Variants in CTBP2 observed in about 807,000 individuals in gnomAD.
CTBP2 encodes the protein C-terminal binding protein 2.
Under a neutral mutation model 80.3 loss-of-function variants are expected in CTBP2, and 30 were observed. That is an observed-to-expected ratio of 0.37 (90% CI 0.28 to 0.51). The LOEUF (loss-of-function observed/expected upper bound fraction) is 0.51, where lower values mean the gene tolerates loss of function less well. Among genes scored for constraint, CTBP2 ranks in the 20% least tolerant of loss-of-function variants. The probability of loss-of-function intolerance (pLI) is 0.93; values close to 1 mark genes in which losing one functional copy is unlikely to be tolerated. For missense variants in CTBP2, 1,212 were observed against 1,375.3 expected (o/e 0.88, Z 1.88); for synonymous variants, 594 against 587.4 (o/e 1.01, Z -0.16).
At chr10:125,037,268 C>T (rs1228640166) in intron 3 of CTBP2, among the ~76,000 whole-genome samples, 1 of 152,190 alleles carries the variant, frequency 6.6e-6, no homozygotes, top group African/African-American at 2.4e-5. Flanking sequence ...GTTTATACAG[C>T]CATGGAAACA....
At chr10:125,133,719 T>G (rs1856537800) in intron 1 of CTBP2, 1 of 152,248 alleles carries the variant, frequency 6.6e-6, no homozygotes, top group African/African-American at 2.4e-5. Flanking sequence ...TTGAAATGAC[T>G]GTTTTTGCCT....
chr10:125,149,099 G>A (rs1345986181), intron 1 of CTBP2, among the ~76,000 whole-genome samples: 4 of 152,228 alleles, frequency 2.6e-5, no homozygotes, highest in South Asian at 4.1e-4. Flanking sequence ...TCTGCCCAGC[G>A]CAAAGGATCC....
At chr10:125,058,312 A>C (rs948376682) in intron 2 of CTBP2, among the ~76,000 whole-genome samples, 15 of 152,180 alleles carry the variant, frequency 9.9e-5, no homozygotes, top group Non-Finnish European at 2.1e-4. Context: ...ATACGATTGC[A>C]CACACAGTGC....
At chr10:125,158,099 G>C (rs933063953) in intron 1 of CTBP2, among the ~76,000 whole-genome samples, 7 of 151,734 alleles carry the variant, frequency 4.6e-5, no homozygotes, top group Admixed American at 4.6e-4. Context: ...TTGAAATCAA[G>C]TGATTACAAA....
intron 2 of CTBP2, among the ~76,000 whole-genome samples, chr10:125,109,429 G>C (rs1055163274): frequency 3.9e-5 from 6 of 152,194 alleles, no homozygotes; most frequent in South Asian, 4.1e-4. Flanking sequence ...AGGTGACTTT[G>C]TCTCTGCCTG....
At chr10:125,093,552 C>T (rs891977323) in intron 2 of CTBP2, among the ~76,000 whole-genome samples, 15 of 152,160 alleles carry the variant, frequency 9.9e-5, no homozygotes, top group African/African-American at 2.9e-4. Context: ...GACTGTTTAC[C>T]ACACTTGAAT....
intron 3 of CTBP2, among the ~76,000 whole-genome samples, chr10:125,037,795 G>A (rs1959040943): frequency 6.6e-6 from 1 of 152,188 alleles, no homozygotes; most frequent in South Asian, 2.1e-4. Context: ...CCATGCCATA[G>A]GTAGTCCAGA....
chr10:124,995,308 C>A (rs1953324144), intron 4 of CTBP2, among the ~76,000 whole-genome samples: 1 of 152,230 alleles, frequency 6.6e-6, no homozygotes, highest in Non-Finnish European at 1.5e-5. Context: ...CATTATGCAG[C>A]CTGGGCCTCC....
chr10:125,112,094 C>CA (rs1232916380), intron 1 of CTBP2, among the ~76,000 whole-genome samples: 1 of 151,230 alleles, frequency 6.6e-6, no homozygotes, highest in African/African-American at 2.4e-5. Flanking sequence ...ACCACATTCC[C>CA]AGCTGCATTT....
intron 2 of CTBP2, among the ~76,000 whole-genome samples, chr10:125,087,354 G>A (rs889384940): frequency 2.0e-5 from 3 of 152,186 alleles, no homozygotes; most frequent in Middle Eastern, 6.8e-3. Flanking sequence ...TTACAAGCAT[G>A]AGCCACCGCG....
intron 2 of CTBP2, among the ~76,000 whole-genome samples, chr10:125,098,678 G>GAGAGAGAGAC (rs1849998329): frequency 7.6e-6 from 1 of 130,942 alleles, no homozygotes; most frequent in Non-Finnish European, 1.6e-5. Flanking sequence ...GAGAGAGAGA[G>GAGAGAGAGAC]AGAGAGAGAG....
chr10:125,121,136 CTG>C (rs1033947827), intron 1 of CTBP2, among the ~76,000 whole-genome samples: 3 of 152,220 alleles, frequency 2.0e-5, no homozygotes, highest in Non-Finnish European at 2.9e-5. Context: ...TTGGGTGAGG[CTG>C]TGAGTCACCC....
chr10:125,042,903 C>T (rs1960246462), intron 2 of CTBP2, among the ~76,000 whole-genome samples: 2 of 152,018 alleles, frequency 1.3e-5, no homozygotes, highest in African/African-American at 4.8e-5. Flanking sequence ...GAAACACTAC[C>T]TCCTCCCAAA....
intron 3 of CTBP2, among the ~76,000 whole-genome samples, chr10:125,035,903 G>C (rs188486009): frequency 6.6e-6 from 1 of 152,112 alleles, no homozygotes; most frequent in Non-Finnish European, 1.5e-5. Flanking sequence ...GTTACGAGAG[G>C]GCTCCTTCGT....
At chr10:125,025,105 A>G (rs992859347) in intron 1 of CTBP2, among the ~76,000 whole-genome samples, 14 of 151,948 alleles carry the variant, frequency 9.2e-5, no homozygotes, top group Non-Finnish European at 1.5e-5. Context: ...TCAAAAAGGT[A>G]GATCTTATTG....
intron 2 of CTBP2, among the ~76,000 whole-genome samples, chr10:125,085,110 C>G (rs1051822445): frequency 6.6e-6 from 1 of 152,202 alleles, no homozygotes; most frequent in African/African-American, 2.4e-5. Context: ...TCAACCCTCA[C>G]GTCACCACCC....
intron 1 of CTBP2, among the ~76,000 whole-genome samples, chr10:125,131,504 G>A (rs1856179064): frequency 1.3e-5 from 2 of 152,168 alleles, no homozygotes; most frequent in African/African-American, 4.8e-5. Flanking sequence ...GGTTCATTTA[G>A]GCTGGTGAAT....
At chr10:125,123,441 A>G (rs1854679000) in intron 1 of CTBP2, among the ~76,000 whole-genome samples, 1 of 152,228 alleles carries the variant, frequency 6.6e-6, no homozygotes, top group South Asian at 2.1e-4. Flanking sequence ...GACCTCCTGT[A>G]TTACCTTCTC....
chr10:125,049,714 G>A (rs145623361), intron 2 of CTBP2, among the ~76,000 whole-genome samples: 211 of 152,216 alleles, frequency 1.4e-3, no homozygotes, highest in African/African-American at 4.8e-3. Context: ...CAAAGCAAAC[G>A]CTGGCTGGGC....
Sources: allele counts gnomAD v4.1 joint callset (sites outside exome capture counted in the v4.1 genomes callset), GRCh38; gene constraint gnomAD v4.1.1; transcripts MANE v1.5; gene names NCBI Gene and HGNC (gene_info 2026-07-23, HGNC 2026-07-21).